The following PHACTR1 variants were observed in gnomAD, a reference collection of about 807,000 sequenced individuals.
PHACTR1 encodes RPEL repeat containing 1.
In PHACTR1, 16 loss-of-function variants were observed where a neutral mutation model predicts 69.2. The ratio of observed to expected loss-of-function variants is 0.23; its 90% CI spans 0.16 to 0.35. PHACTR1 has a LOEUF of 0.35. PHACTR1 is among the 10% of genes least tolerant of loss of function. PHACTR1 has a pLI of 1.00. For synonymous variants in PHACTR1, 312 were observed against 284.5 expected (o/e 1.10, Z -0.97); for missense variants, 510 against 734.7 (o/e 0.69, Z 3.54).
At chr6:13,167,587 C>T (rs1759994838) in intron 6 of PHACTR1, among the ~76,000 whole-genome samples, 1 of 151,908 alleles carries the variant, frequency 6.6e-6, no homozygotes, top group Non-Finnish European at 1.5e-5. Flanking sequence ...AGAGGTAATC[C>T]TACAGGGAGG....
chr6:12,858,922 T>C (rs756700853), intron 4 of PHACTR1, among the ~76,000 whole-genome samples: 1 of 152,172 alleles, frequency 6.6e-6, no homozygotes, highest in Non-Finnish European at 1.5e-5. Flanking sequence ...TGTTCAGTGT[T>C]CTTCTTCAAT....
At chr6:12,868,058 G>A (rs1781639379) in intron 4 of PHACTR1, among the ~76,000 whole-genome samples, 1 of 152,056 alleles carries the variant, frequency 6.6e-6, no homozygotes, top group Non-Finnish European at 1.5e-5. Flanking sequence ...AGGAGATGGA[G>A]ACCATCCTGG....
At chr6:13,237,705 G>A (rs1185865792) in intron 10 of PHACTR1, among the ~76,000 whole-genome samples, 2 of 152,216 alleles carry the variant, frequency 1.3e-5, no homozygotes, top group Non-Finnish European at 2.9e-5. Flanking sequence ...TGAGAAATGT[G>A]TCAGGCAATT....
At chr6:13,182,886 C>T (rs947741414) in intron 7 of PHACTR1, among the ~76,000 whole-genome samples, 200 bp downstream of exon 7, 1 of 152,158 alleles carries the variant, frequency 6.6e-6, no homozygotes, top group African/African-American at 2.4e-5. Context: ...TATTATCCTA[C>T]AGTGTTTAAA....
intron 5 of PHACTR1, among the ~76,000 whole-genome samples, chr6:13,069,676 T>G (rs2127770444): frequency 6.6e-6 from 1 of 152,326 alleles, no homozygotes; most frequent in Admixed American, 6.5e-5. Context: ...GATTTCCTTC[T>G]TCCCAGGTAG....
chr6:13,141,728 T>TC (rs1822504270), intron 5 of PHACTR1, among the ~76,000 whole-genome samples: 1 of 149,924 alleles, frequency 6.7e-6, no homozygotes, highest in African/African-American at 2.4e-5. Flanking sequence ...TTCTTTCTTT[T>TC]TTTTTTTTTT....
intron 7 of PHACTR1, among the ~76,000 whole-genome samples, chr6:13,192,932 A>C (rs1763799199): frequency 6.6e-6 from 1 of 152,184 alleles, no homozygotes; most frequent in African/African-American, 2.4e-5. Flanking sequence ...AATGTTCTCC[A>C]GTTCTAAGTT....
At chr6:12,947,090 C>T (rs994840435) in intron 4 of PHACTR1, among the ~76,000 whole-genome samples, 1 of 151,590 alleles carries the variant, frequency 6.6e-6, no homozygotes, top group Non-Finnish European at 1.5e-5. Context: ...GGATTACAGG[C>T]GTGAGGTATG....
chr6:13,086,409 T>G (rs539989086), intron 5 of PHACTR1, among the ~76,000 whole-genome samples: 1 of 152,242 alleles, frequency 6.6e-6, no homozygotes, highest in African/African-American at 2.4e-5. Flanking sequence ...TTGGCAGATA[T>G]ATACAGACAT....
At chr6:13,244,249 A>C (rs577863875) in intron 10 of PHACTR1, among the ~76,000 whole-genome samples, 1 of 151,750 alleles carries the variant, frequency 6.6e-6, no homozygotes, top group Non-Finnish European at 1.5e-5. Flanking sequence ...GGTGACAGAC[A>C]TCAAGTACTT....
intron 4 of PHACTR1, among the ~76,000 whole-genome samples, chr6:12,789,611 T>G (rs1452542928): frequency 6.6e-6 from 1 of 152,058 alleles, no homozygotes; most frequent in Non-Finnish European, 1.5e-5. Context: ...CCAACACTCA[T>G]CCTAACCTGG....
intron 4 of PHACTR1, among the ~76,000 whole-genome samples, chr6:13,021,503 A>G (rs771594428): frequency 2.0e-5 from 3 of 152,206 alleles, no homozygotes; most frequent in Non-Finnish European, 4.4e-5. Flanking sequence ...GAGCTTTAGC[A>G]TGGACACAGG....
At chr6:12,903,155 C>T (rs982173558) in intron 4 of PHACTR1, among the ~76,000 whole-genome samples, 3 of 152,170 alleles carry the variant, frequency 2.0e-5, no homozygotes, top group Admixed American at 6.5e-5. Flanking sequence ...TGGCCACCTT[C>T]CTTAACCACT....
intron 10 of PHACTR1, among the ~76,000 whole-genome samples, chr6:13,264,195 A>G (rs572675700): frequency 1.7e-4 from 26 of 152,288 alleles, no homozygotes; most frequent in African/African-American, 5.1e-4. Context: ...GCAAATCTAC[A>G]TGCAACCCAC....
chr6:12,754,845 G>A (rs1767102247), intron 4 of PHACTR1, among the ~76,000 whole-genome samples: 1 of 152,174 alleles, frequency 6.6e-6, no homozygotes, highest in Non-Finnish European at 1.5e-5. Context: ...ACTGTATTAG[G>A]TATTATAAGT....
chr6:13,108,634 T>C (rs1249842756), intron 5 of PHACTR1, among the ~76,000 whole-genome samples: 1 of 152,130 alleles, frequency 6.6e-6, no homozygotes, highest in African/African-American at 2.4e-5. Flanking sequence ...TTTCTTGTCA[T>C]GAAGGTTATT....
intron 5 of PHACTR1, among the ~76,000 whole-genome samples, chr6:13,147,728 T>C (rs576615023): frequency 6.6e-6 from 1 of 152,310 alleles, no homozygotes; most frequent in East Asian, 1.9e-4. Context: ...CTGAGTGTTT[T>C]ATTCCCCCTC....
chr6:13,064,695 T>C (rs1433183586), intron 5 of PHACTR1, among the ~76,000 whole-genome samples: 4 of 146,208 alleles, frequency 2.7e-5, no homozygotes, highest in African/African-American at 1.0e-4. Context: ...GTCAGCCGCT[T>C]GTCTCTGCAC....
intron 4 of PHACTR1, among the ~76,000 whole-genome samples, chr6:12,894,462 G>A (rs566175232): frequency 2.5e-4 from 38 of 152,220 alleles, no homozygotes; most frequent in African/African-American, 9.1e-4. Flanking sequence ...AAAATTAGCC[G>A]GGTGTGGTGG....
Sources: allele counts gnomAD v4.1 joint callset (sites outside exome capture counted in the v4.1 genomes callset), GRCh38; gene constraint gnomAD v4.1.1; transcripts MANE v1.5; gene names NCBI Gene and HGNC (gene_info 2026-07-23, HGNC 2026-07-21).